PXK: variants seen among roughly 807,000 people sequenced by gnomAD.
The protein encoded by PXK is PX domain containing serine/threonine kinase like, also known as PX domain-containing protein kinase-like protein.
A neutral mutation model predicts 84.7 loss-of-function variants in PXK; 35 were observed. The observed-to-expected ratio is 0.41, with a 90% CI of 0.32 to 0.55. The LOEUF is 0.55. Among genes scored for constraint, PXK ranks in the 20% least tolerant of loss-of-function variants. The pLI, the probability that PXK is intolerant of heterozygous loss-of-function variation, is 0.21. For synonymous variants in PXK, 253 were observed against 260.8 expected, an observed-to-expected ratio of 0.97 and a Z score of 0.29; for missense variants, 634 against 699.7, an observed-to-expected ratio of 0.91 and a Z score of 1.06.
chr3:58,381,006 T>C (rs568472046), intron 3 of PXK, among the ~76,000 whole-genome samples: 8 of 152,122 alleles, frequency 5.3e-5, no homozygotes, highest in Admixed American at 1.3e-4. Flanking sequence ...CCCAGCACTT[T>C]GGGAGGCCGA....
chr3:58,386,538 G>A (rs1026805277), intron 4 of PXK, among the ~76,000 whole-genome samples: 6 of 151,706 alleles, frequency 4.0e-5, no homozygotes, highest in African/African-American at 9.7e-5. Flanking sequence ...CTTGTGATAC[G>A]CCCACCTCGG....
chr3:58,418,078 C>A (rs2061267503), intron 17 of PXK, among the ~76,000 whole-genome samples: 1 of 152,182 alleles, frequency 6.6e-6, no homozygotes. Context: ...CTTAGCCTCC[C>A]ATAACAGTGG....
intron 1 of PXK, among the ~76,000 whole-genome samples, chr3:58,347,665 A>T (rs1223482985): frequency 6.6e-6 from 1 of 152,226 alleles, no homozygotes; most frequent in Non-Finnish European, 1.5e-5. Flanking sequence ...GGGCTATTAT[A>T]AATACAGCTG....
chr3:58,382,500 T>TC lies in PXK; in HGVS notation c.202-14_202-13insC. Reference sequence around the variant, plus strand: ...GGATGACATGAGTGTAACTTTTTTTTTTTTTTTTTAAAGATTGCAGGCCTA... The same window carrying TC: ...GGATGACATGAGTGTAACTTTTTTTTCTTTTTTTTTAAAGATTGCAGGCCTA... On this transcript the variant is annotated splice_polypyrimidine_tract_variant and intron_variant, in intron 3 of 17. Coordinates refer to ENST00000356151, the MANE Select transcript of PXK (RefSeq NM_017771.5). 1.3e-6 allele frequency: 2 copies of TC among 1,519,156 alleles called. No homozygotes were observed. The highest frequency in any genetic ancestry group is 1.7e-6 in the Non-Finnish European group (2 of 1,142,918). The allele number at this position is 1,519,156 out of a possible 1,614,324, so 94.1% of individuals were successfully genotyped here.
At position 58,418,127 on chromosome 3, in the gene PXK, T is replaced by A. The variant is rs192167155; in HGVS notation, c.1528+5164T>A. ...AGCCACCCACACCCAGCCCTTTTTT[T>A]AAAAAATGGGTTTGTAAGAGTATTT... On this transcript the variant is annotated intron_variant, in intron 17 of 17. Transcript: ENST00000356151. Among the ~76,000 whole-genome samples, 60 of 152,268 alleles carry A rather than the reference T, an allele frequency of 3.9e-4. No homozygotes were observed. The East Asian group carries it at 5.0e-3, about 13-fold the overall frequency.
chr3:58,364,897 T>C lies in PXK; in HGVS notation c.103-977T>C, dbSNP rs115417929. ...TCTGTAGTGGTATCCTAATTCATTC[T>C]TGATATTAATAATACATGTCTTATC... On this transcript the variant is annotated intron_variant, in intron 1 of 17. Coordinates refer to ENST00000356151, the MANE Select transcript of PXK (RefSeq NM_017771.5). The surrounding 1 kb of genome is among the most constrained non-coding windows in gnomAD (Gnocchi z 4.3). Among the ~76,000 whole-genome samples, 54 of 152,304 alleles carry C rather than the reference T, an allele frequency of 3.5e-4. 1 individual carries two copies. The highest frequency in any genetic ancestry group is 1.1e-3 in the African/African-American group (47 of 41,558).
chr3:58,359,480 G>T lies in PXK; in HGVS notation c.103-6394G>T, dbSNP rs35225811. 2.0e-5 allele frequency among the ~76,000 whole-genome samples: 3 copies of T among 149,788 alleles called. No individual in the cohort carries two copies. The East Asian group carries it at 5.9e-4, about 29-fold the overall frequency. On this transcript the variant is annotated intron_variant, in intron 1 of 17. Transcript: ENST00000356151. ...AGGGAGTCAGAGGTTGCAGTGAGCC[G>T]AGATCGCGCCACTGCACTCCAGCCT...
intron 1 of PXK, among the ~76,000 whole-genome samples, chr3:58,339,850 T>A (rs2097696457): frequency 6.6e-6 from 1 of 152,106 alleles, no homozygotes; most frequent in Non-Finnish European, 1.5e-5. Context: ...GTTTCACCGT[T>A]GTTGCCCAGG....
At chr3:58,354,063 G>A (rs2108131143) in intron 1 of PXK, among the ~76,000 whole-genome samples, 1 of 152,316 alleles carries the variant, frequency 6.6e-6, no homozygotes, top group South Asian at 2.1e-4. Context: ...CAGAGGGGTG[G>A]TGTGGCTGAT....
intron 1 of PXK, among the ~76,000 whole-genome samples, chr3:58,336,071 ATTTTTT>A (rs1171021563): frequency 9.5e-4 from 49 of 51,552 alleles, no homozygotes; most frequent in African/African-American, 2.5e-3. Context: ...ATATATATAT[ATTTTTT>A]TTTTTTTTTT....
In PXK at chr3:58,390,160, A is replaced by G. The variant is rs1429545096; in HGVS notation, c.389-422A>G. Among the ~76,000 whole-genome samples the G allele has an allele frequency of 6.6e-6, 1 of 152,170 alleles. No individual in the cohort carries two copies. The highest frequency in any genetic ancestry group is 1.5e-5 in the Non-Finnish European group (1 of 68,030). On this transcript the variant is annotated intron_variant, in intron 4 of 17. Transcript: ENST00000356151. This position sits in a 1 kb window ranked among gnomAD's most constrained non-coding sequence, Gnocchi z 4.2. ...GCCACTGAGTTCCAGCCTGGGCAAC[A>G]GAGTGAGACCCTATCTCAAAAAACA...
At chr3:58,336,067 ATATATTTTTTTTT>A (rs1292395004) in intron 1 of PXK, among the ~76,000 whole-genome samples, 6 of 59,518 alleles carry the variant, frequency 1.0e-4, no homozygotes, top group African/African-American at 6.1e-4. Flanking sequence ...ATATATATAT[ATATATTTTTTTTT>A]TTTTTTTTTA....
At chr3:58,372,522 C>T (rs1202552635) in intron 3 of PXK, among the ~76,000 whole-genome samples, 10 of 151,536 alleles carry the variant, frequency 6.6e-5, no homozygotes, top group Non-Finnish European at 5.9e-5. Flanking sequence ...CGGGGTTTCA[C>T]CGTGTTAGCC....
chr3:58,417,855 T>G (rs756891591), intron 17 of PXK, among the ~76,000 whole-genome samples: 1 of 152,262 alleles, frequency 6.6e-6, no homozygotes, highest in African/African-American at 2.4e-5. Context: ...GCTATCTGTT[T>G]TTTTGAGACA....
At chr3:58,366,377 T>C (rs1420465458) in intron 2 of PXK, among the ~76,000 whole-genome samples, 2 of 152,152 alleles carry the variant, frequency 1.3e-5, no homozygotes, top group African/African-American at 4.8e-5. Context: ...TCATTGTCTC[T>C]AGGGGAGGGT....
intron 4 of PXK, among the ~76,000 whole-genome samples, chr3:58,388,706 A>G (rs7612923): frequency 0.64 from 96,676 of 152,036 alleles, 31,931 homozygotes; most frequent in East Asian, 0.81. Flanking sequence ...GTAGATGCCA[A>G]TGACACTTTA....
chr3:58,417,079 A>AT (rs2061084612), intron 17 of PXK, among the ~76,000 whole-genome samples: 1 of 152,030 alleles, frequency 6.6e-6, no homozygotes, highest in Non-Finnish European at 1.5e-5. Flanking sequence ...TAATTTTTAA[A>AT]TTTTTTGTAG....
chr3:58,413,326 C>T (rs2060485944), intron 17 of PXK: 1 of 267,746 alleles, frequency 3.7e-6, no homozygotes, highest in Non-Finnish European at 7.3e-6. Context: ...CCAGGCCTCT[C>T]TCCTCAGGGA....
At position 58,402,216 on chromosome 3, in the gene PXK, T is replaced by C. The variant is rs546887914; in HGVS notation, c.1182-1646T>C. Among the ~76,000 whole-genome samples the C allele has an allele frequency of 1.4e-3, 215 of 151,590 alleles. 1 individual carries two copies. The highest frequency in any genetic ancestry group is 4.6e-3 in the African/African-American group (188 of 41,316). Reference sequence around the variant, plus strand: ...TTTCCCTCTTTCCCTCTCCTCCTCCTCTCTTCTCCTCTTTTCTTTCCCTCC... The same window carrying C: ...TTTCCCTCTTTCCCTCTCCTCCTCCCCTCTTCTCCTCTTTTCTTTCCCTCC... On this transcript the variant is annotated intron_variant, in intron 12 of 17. Transcript: ENST00000356151.
Sources: allele counts gnomAD v4.1 joint callset (sites outside exome capture counted in the v4.1 genomes callset), GRCh38; gene constraint gnomAD v4.1.1; non-coding constraint Gnocchi (gnomAD v3.1); transcripts MANE v1.5; gene names NCBI Gene and HGNC (gene_info 2026-07-23, HGNC 2026-07-21).